DOCK3: variants seen among roughly 807,000 people sequenced by gnomAD.
DOCK3 encodes dedicator of cytokinesis 3, also known as dedicator of cytokinesis protein 3.
In DOCK3, 60 loss-of-function variants were observed where a neutral mutation model predicts 265.6. That is an observed-to-expected ratio of 0.23 (90% confidence interval 0.18 to 0.28). The LOEUF (loss-of-function observed/expected upper bound fraction) is 0.28, where lower values mean the gene tolerates loss of function less well. Ranked by LOEUF, DOCK3 falls within the 10% of genes least tolerant of loss-of-function variation. DOCK3 has a pLI of 1.00. For missense variants in DOCK3, 1,981 were observed against 2,594.3 expected, an observed-to-expected ratio of 0.76 and a Z score of 5.14; for synonymous variants, 881 against 938.0, an observed-to-expected ratio of 0.94 and a Z score of 1.11.
chr3:50,951,180 C>T (rs558845884), intron 5 of DOCK3, among the ~76,000 whole-genome samples: 1 of 152,270 alleles, frequency 6.6e-6, no homozygotes, highest in Non-Finnish European at 1.5e-5. Flanking sequence ...TTGATATCCT[C>T]ATTTAGCATT....
intron 6 of DOCK3, among the ~76,000 whole-genome samples, chr3:51,068,809 T>C (rs1482726916): frequency 6.6e-6 from 1 of 152,142 alleles, no homozygotes; most frequent in Non-Finnish European, 1.5e-5. Flanking sequence ...ATTTGATCTT[T>C]GTTCTGTTCT....
chr3:50,792,640 A>G (rs1024645782), intron 2 of DOCK3, among the ~76,000 whole-genome samples: 1 of 152,218 alleles, frequency 6.6e-6, no homozygotes, highest in Non-Finnish European at 1.5e-5. Context: ...AGTTTTTAAC[A>G]TAAATGGTGT....
chr3:50,701,908 C>G lies in DOCK3; in HGVS notation c.37+26608C>G, dbSNP rs549744285. On this transcript the variant is annotated intron_variant, in intron 1 of 52. Transcript: ENST00000266037. ...GGATTTATTTCTGGTTTTCTCTGTT[C>G]TGTTCCAGTGGTTTATGTGTCTGTT... Among the ~76,000 whole-genome samples, 9 of 152,196 alleles carry G rather than the reference C, an allele frequency of 5.9e-5. No homozygotes were observed. In the South Asian group the frequency reaches 1.9e-3, roughly 32 times the overall value.
rs971076621 is a variant in DOCK3 at position 51,301,275 on chromosome 3, A to G, written c.2923-8957A>G. Among the ~76,000 whole-genome samples, 4 of 151,980 alleles carry G rather than the reference A, an allele frequency of 2.6e-5. No homozygotes were observed. In the East Asian group the frequency reaches 5.8e-4, roughly 22 times the overall value. The stretch of plus-strand genomic sequence containing the variant: ...CCCCTTTGTCATTTTTATTGTGTCT[A>G]TTTGATTCTTCTCTCTTTTCTTCTT... On this transcript the variant is annotated intron_variant, in intron 27 of 52. Transcript: ENST00000266037.
chr3:50,830,339 C>G (rs2045064913), intron 2 of DOCK3, among the ~76,000 whole-genome samples: 1 of 152,164 alleles, frequency 6.6e-6, no homozygotes, highest in Non-Finnish European at 1.5e-5. Context: ...TATTAAACTA[C>G]TTTTAATCAT....
chr3:50,909,543 C>T (rs1054005730), intron 4 of DOCK3, among the ~76,000 whole-genome samples: 2 of 151,064 alleles, frequency 1.3e-5, no homozygotes, highest in Non-Finnish European at 2.9e-5. Context: ...GGCTTCCAAT[C>T]TCTTCTGGCT....
intron 49 of DOCK3, among the ~76,000 whole-genome samples, chr3:51,365,204 C>A (rs190606828): frequency 9.3e-4 from 141 of 152,304 alleles, no homozygotes; most frequent in African/African-American, 3.2e-3. Context: ...TCCTTCACAT[C>A]CCTTATTAGT....
At chr3:51,235,257 A>G (rs971855475) in intron 19 of DOCK3, among the ~76,000 whole-genome samples, 2 of 152,226 alleles carry the variant, frequency 1.3e-5, no homozygotes, top group Non-Finnish European at 2.9e-5. Flanking sequence ...TTTGAAACTT[A>G]AGATAAATTC....
chr3:51,240,378 G>A (rs925364012), intron 21 of DOCK3, among the ~76,000 whole-genome samples: 2 of 152,226 alleles, frequency 1.3e-5, no homozygotes, highest in African/African-American at 4.8e-5. Flanking sequence ...TAGACTATGT[G>A]CCATGTGGCA....
At chr3:51,364,307 A>G (rs553985627) in intron 49 of DOCK3, among the ~76,000 whole-genome samples, 2 of 152,130 alleles carry the variant, frequency 1.3e-5, no homozygotes, top group African/African-American at 2.4e-5. Flanking sequence ...GTCTGTTCAT[A>G]TCCTTTGCCC....
At chr3:51,016,601 T>C (rs1193915885) in intron 5 of DOCK3, among the ~76,000 whole-genome samples, 3 of 75,374 alleles carry the variant, frequency 4.0e-5, no homozygotes, top group Non-Finnish European at 6.5e-5. Context: ...TTATATATGA[T>C]ATATATATTA....
At chr3:50,948,290 C>T (rs1235405820) in intron 5 of DOCK3, among the ~76,000 whole-genome samples, 4 of 151,178 alleles carry the variant, frequency 2.6e-5, no homozygotes, top group African/African-American at 4.9e-5. Context: ...CTCCTGACCT[C>T]GTGATCCACC....
chr3:50,819,302 T>C (rs1470818946), intron 2 of DOCK3, among the ~76,000 whole-genome samples: 1 of 152,244 alleles, frequency 6.6e-6, no homozygotes, highest in Non-Finnish European at 1.5e-5. Context: ...CCTATTCCTG[T>C]GCTGCCTGTA....
chr3:51,201,197 A>C (rs9862514), intron 12 of DOCK3, among the ~76,000 whole-genome samples: 120,038 of 146,842 alleles, frequency 0.82, 49,584 homozygotes, highest in Middle Eastern at 0.9. Context: ...ATGTAAATGG[A>C]CTAAATGCTC....
Position 50,824,712 on chromosome 3 carries a change from A to G in DOCK3, c.122-16963A>G, listed in dbSNP as rs1410654381. The stretch of plus-strand genomic sequence containing the variant: ...TAGATGATTTATGACAGTGAGCATG[A>G]CTTTCTGATGCCTTAAGTTATCCTC... On this transcript the variant is annotated intron_variant, in intron 2 of 52. Transcript: ENST00000266037. Among the ~76,000 whole-genome samples the G allele has an allele frequency of 2.0e-5, 3 of 152,166 alleles. No homozygotes were observed. The South Asian group carries it at 6.2e-4, about 31-fold the overall frequency.
At chr3:50,879,843 A>G (rs1413814119) in intron 3 of DOCK3, among the ~76,000 whole-genome samples, 1 of 152,214 alleles carries the variant, frequency 6.6e-6, no homozygotes, top group African/African-American at 2.4e-5. Context: ...TCTCAGCACT[A>G]CATCACACTT....
intron 51 of DOCK3, among the ~76,000 whole-genome samples, chr3:51,377,396 A>G (rs2088225265): frequency 6.6e-6 from 1 of 152,238 alleles, no homozygotes; most frequent in Admixed American, 6.5e-5. Context: ...CTTGTCTGTC[A>G]GGGTTCTGAG....
intron 9 of DOCK3, among the ~76,000 whole-genome samples, chr3:51,118,836 C>T (rs147223713): frequency 8.2e-4 from 124 of 151,686 alleles, no homozygotes; most frequent in African/African-American, 2.9e-3. Context: ...GTAAATATTC[C>T]TCCATCCCTT....
In DOCK3 at chr3:51,196,694, G is replaced by A. The variant is rs949679407; in HGVS notation, c.1038-12080G>A. Among the ~76,000 whole-genome samples the A allele has an allele frequency of 9.9e-5, 15 of 152,226 alleles. 1 individual carries two copies. The highest frequency in any genetic ancestry group is 6.2e-4 in the South Asian group (3 of 4,828). On this transcript the variant is annotated intron_variant, in intron 12 of 52. Transcript: ENST00000266037. Reference sequence around the variant, plus strand: ...CAGAAGCTTTCAAATGTAATTTGTAGTTCCTATAGTAAATTCTTCAATTGC... The same window carrying A: ...CAGAAGCTTTCAAATGTAATTTGTAATTCCTATAGTAAATTCTTCAATTGC...
Sources: gnomAD v4.1 joint callset for allele counts (sites outside exome capture counted in the v4.1 genomes callset) on GRCh38, gnomAD v4.1.1 for gene constraint, MANE v1.5 for transcripts, NCBI Gene and HGNC (gene_info 2026-07-23, HGNC 2026-07-21) for gene names.